The following PPHLN1 variants were observed in gnomAD, a reference collection of about 807,000 sequenced individuals.
The protein encoded by PPHLN1 is periphilin-1.
PPHLN1 carries 29 observed loss-of-function variants against 51.3 expected under a neutral mutation model. The ratio of observed to expected loss-of-function variants is 0.57; its 90% CI spans 0.42 to 0.77. The LOEUF (loss-of-function observed/expected upper bound fraction) is 0.77, where lower values mean the gene tolerates loss of function less well. Ranked by LOEUF, PPHLN1 falls within the 30% of genes least tolerant of loss-of-function variation. The probability of loss-of-function intolerance (pLI) is 0.00; values close to 1 mark genes in which losing one functional copy is unlikely to be tolerated. For synonymous variants in PPHLN1, 147 were observed against 147.8 expected, an observed-to-expected ratio of 0.99 and a Z score of 0.04; for missense variants, 436 against 438.4, an observed-to-expected ratio of 0.99 and a Z score of 0.05.
At chr12:42,412,557 G>A (rs1222267278) in intron 9 of PPHLN1, among the ~76,000 whole-genome samples, 1 of 151,982 alleles carries the variant, frequency 6.6e-6, no homozygotes, top group African/African-American at 2.4e-5. Context: ...TATACATGCA[G>A]GTGTCTTTTT....
chr12:42,377,463 G>A (rs933031721), intron 5 of PPHLN1, among the ~76,000 whole-genome samples: 1 of 151,646 alleles, frequency 6.6e-6, no homozygotes, highest in Non-Finnish European at 1.5e-5. Flanking sequence ...GCACCACCAC[G>A]CCCAGGTAAT....
downstream of PPHLN1, chr12:42,447,867 A>G (rs1189103836): frequency 1.3e-5 from 2 of 152,134 alleles, no homozygotes; most frequent in South Asian, 2.1e-4. Context: ...ATTTTTTTTT[A>G]ATTTCCTAAA....
At chr12:42,343,964 CAG>C in intron 2 of PPHLN1, 1 of 379,450 alleles carries the variant, frequency 2.6e-6, no homozygotes, top group Non-Finnish European at 5.1e-6. Flanking sequence ...CTATAGGGAT[CAG>C]AGTTAGGAAA....
chr12:42,374,706 G>A lies in PPHLN1; in HGVS notation c.300-157G>A, dbSNP rs762657025. On this transcript the variant is annotated intron_variant, in intron 4 of 9. Coordinates refer to ENST00000358314, the MANE Select transcript of PPHLN1 (RefSeq NM_201439.2). ...CCTGACCTCGTGATCTGCCCGTCTC[G>A]GCCTCCCAAAGTGCTGGGATTACAG... 5 of 544,002 alleles carry A rather than the reference G, an allele frequency of 9.2e-6. No individual in the cohort carries two copies. In the South Asian group the frequency reaches 9.9e-5, roughly 11 times the overall value. 33.7% of individuals were successfully genotyped at this position (544,002 alleles called of 1,614,324 possible). A position where few individuals can be genotyped will look rare whatever the true frequency, so the allele number is the denominator to read the frequency against.
At chr12:42,420,281 G>A (rs1472127692) in intron 9 of PPHLN1, among the ~76,000 whole-genome samples, 1 of 150,988 alleles carries the variant, frequency 6.6e-6, no homozygotes, top group African/African-American at 2.4e-5. Context: ...CATCTTGAAT[G>A]GTACAACTCT....
chr12:42,374,141 T>G (rs935473316), intron 4 of PPHLN1, among the ~76,000 whole-genome samples: 5 of 152,176 alleles, frequency 3.3e-5, no homozygotes, highest in African/African-American at 9.7e-5. Flanking sequence ...TAGAAGGGGA[T>G]AATTGGCCAT....
Position 42,432,476 on chromosome 12 carries a change from C to G in PPHLN1, c.910-8839C>G, listed in dbSNP as rs920863092. Among the ~76,000 whole-genome samples the G allele has an allele frequency of 4.6e-5, 7 of 152,166 alleles. 1 individual carries two copies. Among genetic ancestry groups the G allele is most frequent in the African/African-American group, 1.7e-4 (7 of 41,440 alleles). On this transcript the variant is annotated intron_variant, in intron 9 of 9. Coordinates refer to ENST00000358314, the MANE Select transcript of PPHLN1 (RefSeq NM_201439.2). ...TCTGGGTAGTTTATTTTCACTGTCC[C>G]CTTCAATTCTCACCGGAACCATATC...
chr12:42,380,065 T>TATAAAGTTATAAAGTTATA (rs2076628958), intron 5 of PPHLN1, among the ~76,000 whole-genome samples: 2 of 152,088 alleles, frequency 1.3e-5, no homozygotes, highest in Non-Finnish European at 2.9e-5. Flanking sequence ...TTGAAACTCT[T>TATAAAGTTATAAAGTTATA]AAGTTATAAA....
intron 8 of PPHLN1, among the ~76,000 whole-genome samples, chr12:42,398,158 T>TA (rs1592717203): frequency 6.6e-6 from 1 of 152,206 alleles, no homozygotes; most frequent in Admixed American, 6.5e-5. Context: ...TTCCAATACT[T>TA]AATCTCCCAC....
intron 9 of PPHLN1, chr12:42,431,881 C>G: frequency 1.3e-6 from 2 of 1,591,970 alleles, no homozygotes; most frequent in Non-Finnish European, 1.7e-6. Context: ...TTCAGTCATT[C>G]CATCCATCAG....
intron 2 of PPHLN1, among the ~76,000 whole-genome samples, chr12:42,343,107 T>C (rs11181440): frequency 0.16 from 24,679 of 152,216 alleles, 2,051 homozygotes; most frequent in Admixed American, 0.2. Flanking sequence ...TTCTTTTGAC[T>C]AACTTGACAG....
In PPHLN1 at chr12:42,370,952, C is replaced by T. The variant is rs1207963772; in HGVS notation, c.300-3911C>T. On this transcript the variant is annotated intron_variant, in intron 4 of 9. Coordinates refer to ENST00000358314, the MANE Select transcript of PPHLN1 (RefSeq NM_201439.2). ...TCCCGAATAGCTGGGACTACAGACA[C>T]ACACCACCACACCCAGCTAATTTTT... 5.3e-5 allele frequency among the ~76,000 whole-genome samples: 8 copies of T among 152,058 alleles called. No individual in the cohort carries two copies. In the South Asian group the frequency reaches 1.7e-3, roughly 32 times the overall value.
At chr12:42,384,879 T>C (rs2077061792) in intron 5 of PPHLN1, 61 bp from the exon 6 acceptor site, 6 of 1,483,774 alleles carry the variant, frequency 4.0e-6, no homozygotes, top group Admixed American at 1.7e-5. Flanking sequence ...TGAGTTCTTC[T>C]CTTGTTCCTC....
intron 4 of PPHLN1, among the ~76,000 whole-genome samples, chr12:42,364,171 C>A (rs1230220579): frequency 6.6e-6 from 1 of 152,090 alleles, no homozygotes; most frequent in Non-Finnish European, 1.5e-5. Flanking sequence ...TTGCAGTGAG[C>A]CAAGATTGCA....
intron 9 of PPHLN1, among the ~76,000 whole-genome samples, chr12:42,411,924 G>T (rs1415416677): frequency 1.9e-5 from 1 of 53,948 alleles, no homozygotes; most frequent in African/African-American, 6.3e-5. Flanking sequence ...AAAAAAAAAA[G>T]GGCTGGGCGC....
intron 4 of PPHLN1, among the ~76,000 whole-genome samples, chr12:42,357,364 T>C (rs911310772): frequency 6.6e-6 from 1 of 152,200 alleles, no homozygotes; most frequent in Non-Finnish European, 1.5e-5. Flanking sequence ...CAAGATACCA[T>C]ATGTGCATAA....
At position 42,380,343 on chromosome 12, in the gene PPHLN1, G is replaced by A. The variant is rs533589422; in HGVS notation, c.512-4597G>A. 3.9e-5 allele frequency among the ~76,000 whole-genome samples: 6 copies of A among 151,954 alleles called. No individual in the cohort carries two copies. The South Asian group carries it at 1.2e-3, about 32-fold the overall frequency. ...GTTTTTTCTGTAGCTCTAACTTTGGGCCTAGCTTCCCTTATTTTTCTTACG... is the reference window on the plus strand; with the variant it reads ...GTTTTTTCTGTAGCTCTAACTTTGGACCTAGCTTCCCTTATTTTTCTTACG... On this transcript the variant is annotated intron_variant, in intron 5 of 9. Transcript: ENST00000358314.
chr12:42,404,189 G>C (rs532691535), intron 9 of PPHLN1, among the ~76,000 whole-genome samples: 167 of 152,208 alleles, frequency 1.1e-3, no homozygotes, highest in African/African-American at 3.8e-3. Flanking sequence ...CTTTCTGCCT[G>C]TTTCTTTGCA....
rs529419607 is a variant in PPHLN1 at position 42,337,772 on chromosome 12, T to G, written c.72+1798T>G. Among the ~76,000 whole-genome samples, 14 of 142,582 alleles carry G rather than the reference T, an allele frequency of 9.8e-5. No homozygotes were observed. In the East Asian group the frequency reaches 2.5e-3, roughly 25 times the overall value. 93.5% of individuals were successfully genotyped at this position (142,582 alleles called of 152,430 possible). A position where few individuals can be genotyped will look rare whatever the true frequency, so the allele number is the denominator to read the frequency against. The stretch of plus-strand genomic sequence containing the variant: ...GCTATTTTTATTTTATTTTATTTTA[T>G]TTTATTTTATTTATTTATTTATTTA... On this transcript the variant is annotated intron_variant, in intron 2 of 9. Coordinates refer to ENST00000358314, the MANE Select transcript of PPHLN1 (RefSeq NM_201439.2).
Sources: gnomAD v4.1 joint callset for allele counts (sites outside exome capture counted in the v4.1 genomes callset) on GRCh38, gnomAD v4.1.1 for gene constraint, MANE v1.5 for transcripts, NCBI Gene and HGNC (gene_info 2026-07-23, HGNC 2026-07-21) for gene names.